RABGAP1L: variants seen among roughly 807,000 people sequenced by gnomAD.
The protein encoded by RABGAP1L is RAB GTPase activating protein 1 like.
Under a neutral mutation model 137.7 loss-of-function variants are expected in RABGAP1L, and 63 were observed. The ratio of observed to expected loss-of-function variants is 0.46; its 90% CI spans 0.37 to 0.56. The LOEUF (loss-of-function observed/expected upper bound fraction) is 0.56, where lower values mean the gene tolerates loss of function less well. RABGAP1L is among the 20% of genes least tolerant of loss of function. The pLI, the probability that RABGAP1L is intolerant of heterozygous loss-of-function variation, is 0.00. For synonymous variants in RABGAP1L, 431 were observed against 433.7 expected (o/e 0.99, Z 0.08); for missense variants, 1,095 against 1,244.0 (o/e 0.88, Z 1.80).
intron 24 of RABGAP1L, among the ~76,000 whole-genome samples, 156 bp from the exon 25 acceptor site, chr1:174,988,485 A>G (rs1671797002): frequency 1.3e-5 from 2 of 152,228 alleles, no homozygotes; most frequent in South Asian, 4.1e-4. Flanking sequence ...GTTCGGGCTA[A>G]TGATTTTGAT....
At chr1:174,640,545 C>T (rs1674447739) in intron 14 of RABGAP1L, among the ~76,000 whole-genome samples, 1 of 152,034 alleles carries the variant, frequency 6.6e-6, no homozygotes, top group African/African-American at 2.4e-5. Flanking sequence ...ACTGTTCTAA[C>T]ATTGTTTCTA....
At chr1:174,176,131 G>A (rs1665829992) in intron 1 of RABGAP1L, among the ~76,000 whole-genome samples, 1 of 152,126 alleles carries the variant, frequency 6.6e-6, no homozygotes, top group African/African-American at 2.4e-5. Context: ...AGCTTGTAAA[G>A]GGAGGAGTAT....
intron 11 of RABGAP1L, among the ~76,000 whole-genome samples, chr1:174,314,231 A>G (rs1224753327): frequency 1.3e-5 from 2 of 152,052 alleles, no homozygotes; most frequent in African/African-American, 2.4e-5. Context: ...TCATGGTTCA[A>G]TCTTGGTAGG....
chr1:174,227,095 C>T (rs903646892), intron 3 of RABGAP1L, among the ~76,000 whole-genome samples: 1 of 151,822 alleles, frequency 6.6e-6, no homozygotes, highest in Non-Finnish European at 1.5e-5. Context: ...AGGTTTTTTT[C>T]TCACTTGTAT....
intron 11 of RABGAP1L, among the ~76,000 whole-genome samples, chr1:174,315,154 A>G (rs773028524): frequency 1.3e-5 from 2 of 152,080 alleles, no homozygotes. Context: ...TGCTTTGTAT[A>G]TCTTGATGTT....
At chr1:174,555,926 C>T (rs1050323465) in intron 13 of RABGAP1L, among the ~76,000 whole-genome samples, 22 of 149,460 alleles carry the variant, frequency 1.5e-4, no homozygotes, top group African/African-American at 5.2e-4. Context: ...GTATTAGGGA[C>T]TGGATATTGT....
intron 13 of RABGAP1L, among the ~76,000 whole-genome samples, chr1:174,510,717 A>G (rs561058813): frequency 6.6e-6 from 1 of 152,294 alleles, no homozygotes; most frequent in South Asian, 2.1e-4. Context: ...CCCACAACCC[A>G]AACATGTACT....
intron 19 of RABGAP1L, 116 bp from the exon 20 acceptor site, chr1:174,957,341 A>T: frequency 2.7e-6 from 2 of 753,552 alleles, no homozygotes; most frequent in Admixed American, 2.4e-5. Flanking sequence ...TTTTTCTCCT[A>T]ACTTTGAGTT....
At chr1:174,633,111 T>C (rs1327136858) in intron 13 of RABGAP1L, among the ~76,000 whole-genome samples, 4 of 152,018 alleles carry the variant, frequency 2.6e-5, no homozygotes, top group East Asian at 1.9e-4. Context: ...TTGCAGATGA[T>C]ATGATTGTTT....
intron 19 of RABGAP1L, among the ~76,000 whole-genome samples, chr1:174,853,941 T>C (rs948449803): frequency 2.0e-5 from 3 of 152,246 alleles, no homozygotes; most frequent in Admixed American, 1.3e-4. Flanking sequence ...TCTCCTAGGC[T>C]AAATACAGTT....
intron 6 of RABGAP1L, among the ~76,000 whole-genome samples, chr1:174,251,017 T>C (rs1672669742): frequency 1.3e-5 from 2 of 152,238 alleles, no homozygotes; most frequent in Non-Finnish European, 2.9e-5. Flanking sequence ...GCCAGGCTTG[T>C]CTCGAACTCC....
At chr1:174,608,634 C>T (rs1338067433) in intron 13 of RABGAP1L, among the ~76,000 whole-genome samples, 3 of 152,026 alleles carry the variant, frequency 2.0e-5, no homozygotes, top group Non-Finnish European at 2.9e-5. Context: ...TAAAGAAAAG[C>T]ACAACTTTGC....
chr1:174,607,585 G>A (rs561710625), intron 13 of RABGAP1L, among the ~76,000 whole-genome samples: 2 of 152,272 alleles, frequency 1.3e-5, no homozygotes, highest in South Asian at 4.1e-4. Flanking sequence ...TGTGCTCTCT[G>A]TGGCTCTCAA....
chr1:174,633,638 A>C (rs1223146678), intron 13 of RABGAP1L, among the ~76,000 whole-genome samples: 2 of 115,898 alleles, frequency 1.7e-5, no homozygotes, highest in East Asian at 4.1e-4. Context: ...AAACTATACT[A>C]CAAGGCTACA....
chr1:174,218,358 G>A (rs1190190182), intron 1 of RABGAP1L, among the ~76,000 whole-genome samples: 2 of 152,084 alleles, frequency 1.3e-5, no homozygotes, highest in Non-Finnish European at 2.9e-5. Context: ...GGTAACCTCA[G>A]GGCTGAGTTG....
intron 11 of RABGAP1L, among the ~76,000 whole-genome samples, chr1:174,328,735 A>T (rs762213006): frequency 3.9e-5 from 6 of 152,156 alleles, no homozygotes; most frequent in Admixed American, 1.3e-4. Flanking sequence ...ATGCCACTGC[A>T]CTCCAGCCTG....
chr1:174,893,063 A>C, intron 19 of RABGAP1L: 1 of 324,032 alleles, frequency 3.1e-6, no homozygotes, highest in Non-Finnish European at 6.3e-6. Context: ...CTCATTTCTG[A>C]TTTGTCCATT....
chr1:174,516,316 C>T lies in RABGAP1L; in HGVS notation c.1711-121059C>T, dbSNP rs559845306. ...GACTATAGGCATATGCCAAATACAT[C>T]TATACATGTAATTTCCAGAGTTATC... On this transcript the variant is annotated intron_variant, in intron 13 of 25. Coordinates refer to ENST00000681986, the MANE Select transcript of RABGAP1L (RefSeq NM_001366446.1). Among the ~76,000 whole-genome samples the T allele has an allele frequency of 1.3e-4, 20 of 152,198 alleles. No homozygotes were observed. In the South Asian group the frequency reaches 4.2e-3, roughly 32 times the overall value.
intron 14 of RABGAP1L, among the ~76,000 whole-genome samples, chr1:174,659,821 T>TC (rs964845849): frequency 2.0e-5 from 3 of 152,294 alleles, no homozygotes; most frequent in African/African-American, 4.8e-5. Context: ...AGTTTTTTTT[T>TC]CCCATCTCAG....
Sources: allele counts gnomAD v4.1 joint callset (sites outside exome capture counted in the v4.1 genomes callset), GRCh38; gene constraint gnomAD v4.1.1; transcripts MANE v1.5; gene names NCBI Gene and HGNC (gene_info 2026-07-23, HGNC 2026-07-21).